The following DOCK2 variants were observed in gnomAD, a reference collection of about 807,000 sequenced individuals.
DOCK2 encodes the protein dedicator of cytokinesis 2.
In DOCK2, 87 loss-of-function variants were observed where a neutral mutation model predicts 248.9. The observed-to-expected ratio is 0.35, with a 90% CI of 0.29 to 0.42. DOCK2 has a LOEUF of 0.42. Ranked by LOEUF, DOCK2 falls within the 10% of genes least tolerant of loss-of-function variation. The probability of loss-of-function intolerance (pLI) is 1.00; values close to 1 mark genes in which losing one functional copy is unlikely to be tolerated. For missense variants in DOCK2, 1,747 were observed against 2,300.2 expected (o/e 0.76, Z 4.92); for synonymous variants, 805 against 821.6 (o/e 0.98, Z 0.35).
intron 27 of DOCK2, among the ~76,000 whole-genome samples, chr5:169,854,622 G>T (rs781008536): frequency 6.6e-6 from 1 of 152,230 alleles, no homozygotes; most frequent in African/African-American, 2.4e-5. Context: ...AAAGTCAGGG[G>T]CAGAAGTCAG....
chr5:170,018,331 G>C (rs1472679913), intron 32 of DOCK2, among the ~76,000 whole-genome samples: 2 of 152,110 alleles, frequency 1.3e-5, no homozygotes, highest in Non-Finnish European at 2.9e-5. Flanking sequence ...TGCTGTGGGG[G>C]AAGCAAGGTG....
At chr5:170,049,598 G>T (rs549003798) in intron 40 of DOCK2, among the ~76,000 whole-genome samples, 27 of 152,266 alleles carry the variant, frequency 1.8e-4, no homozygotes, top group African/African-American at 6.5e-4. Flanking sequence ...TTGATATTTT[G>T]GGCCTGAAAA....
intron 29 of DOCK2, among the ~76,000 whole-genome samples, 184 bp downstream of exon 29, chr5:169,986,106 C>T (rs1266184695): frequency 6.6e-6 from 1 of 152,204 alleles, no homozygotes; most frequent in Non-Finnish European, 1.5e-5. Context: ...CTCAAAAAAT[C>T]GTCTCCAACT....
At chr5:170,067,756 C>A in intron 45 of DOCK2, 70 bp downstream of exon 45, 1 of 1,529,770 alleles carries the variant, frequency 6.5e-7, no homozygotes, top group Non-Finnish European at 8.9e-7. Flanking sequence ...ACCCAGGGGG[C>A]AGATGCAGGT....
intron 2 of DOCK2, among the ~76,000 whole-genome samples, chr5:169,656,177 A>G (rs902010838): frequency 6.6e-6 from 1 of 152,322 alleles, no homozygotes; most frequent in Non-Finnish European, 1.5e-5. Flanking sequence ...CAAAGAATGA[A>G]AATAAAAACA....
intron 1 of DOCK2, among the ~76,000 whole-genome samples, chr5:169,643,670 G>GGT (rs1757279297): frequency 6.6e-6 from 1 of 152,114 alleles, no homozygotes. Flanking sequence ...AGTACCGGTC[G>GGT]GTGGCCTGGG....
chr5:169,715,200 T>C (rs1297222733), intron 19 of DOCK2, among the ~76,000 whole-genome samples: 2 of 152,174 alleles, frequency 1.3e-5, no homozygotes, highest in Non-Finnish European at 2.9e-5. Context: ...GCGTCTGAAG[T>C]GCAAATCTAA....
intron 27 of DOCK2, among the ~76,000 whole-genome samples, chr5:169,918,187 A>T (rs913459613): frequency 6.6e-6 from 1 of 152,198 alleles, no homozygotes; most frequent in Non-Finnish European, 1.5e-5. Context: ...TACAGAAACC[A>T]CATATGATCC....
At chr5:169,708,290 A>C (rs768888352) in intron 15 of DOCK2, 23 bp downstream of exon 15, 1 of 1,603,394 alleles carries the variant, frequency 6.2e-7, no homozygotes, top group South Asian at 1.1e-5. Flanking sequence ...AATAGCAGCA[A>C]ACACATGTCT....
chr5:169,855,523 G>A (rs1200959969), intron 27 of DOCK2, among the ~76,000 whole-genome samples: 1 of 152,156 alleles, frequency 6.6e-6, no homozygotes, highest in African/African-American at 2.4e-5. Flanking sequence ...GCTCTAGGAT[G>A]GTAGTGGGAT....
chr5:170,050,146 C>A, intron 40 of DOCK2, 110 bp from the exon 41 acceptor site: 2 of 1,384,804 alleles, frequency 1.4e-6, no homozygotes, highest in Non-Finnish European at 1.0e-6. Flanking sequence ...GAGAGTGATG[C>A]ACTGGACATC....
chr5:169,803,040 G>A lies in DOCK2; in HGVS notation c.2555-18G>A, dbSNP rs1767100419. ...AAAATGAGGAATTCTACACTACTCT[G>A]AACTGTCTTTATTCCAGAATGCCGG... On this transcript the variant is annotated intron_variant, in intron 25 of 51. Coordinates refer to ENST00000520908, the MANE Select transcript of DOCK2 (RefSeq NM_004946.3). 5 of 1,613,930 alleles carry A rather than the reference G, an allele frequency of 3.1e-6. No homozygotes were observed. Among genetic ancestry groups the A allele is most frequent in the Admixed American group, 1.7e-5 (1 of 59,962 alleles).
chr5:170,022,062 C>A (rs753285312), intron 33 of DOCK2, among the ~76,000 whole-genome samples: 1 of 152,218 alleles, frequency 6.6e-6, no homozygotes, highest in Non-Finnish European at 1.5e-5. Flanking sequence ...TGAGCAGGGG[C>A]TTTGCTCCCA....
chr5:169,741,077 G>A (rs376080154), intron 22 of DOCK2, among the ~76,000 whole-genome samples: 17 of 152,174 alleles, frequency 1.1e-4, no homozygotes, highest in African/African-American at 3.4e-4. Flanking sequence ...CTCCCATTTC[G>A]GCCTCCCAAA....
chr5:170,012,939 A>G (rs1287716278), intron 32 of DOCK2, among the ~76,000 whole-genome samples: 1 of 152,060 alleles, frequency 6.6e-6, no homozygotes, highest in African/African-American at 2.4e-5. Context: ...TTTGTCCATT[A>G]CTGTTTAAGC....
At chr5:169,888,617 C>T (rs2113529552) in intron 27 of DOCK2, among the ~76,000 whole-genome samples, 1 of 152,266 alleles carries the variant, frequency 6.6e-6, no homozygotes, top group South Asian at 2.1e-4. Context: ...ATCTTTAGGC[C>T]ATACAGTGAG....
chr5:169,991,147 G>T (rs1453639601), intron 29 of DOCK2, among the ~76,000 whole-genome samples: 1 of 152,264 alleles, frequency 6.6e-6, no homozygotes, highest in Non-Finnish European at 1.5e-5. Context: ...TGGCAGGCTT[G>T]CAGCGCCTGT....
chr5:170,037,479 A>ATTTT (rs537505396), intron 36 of DOCK2, among the ~76,000 whole-genome samples: 1 of 139,208 alleles, frequency 7.2e-6, no homozygotes, highest in Non-Finnish European at 1.5e-5. Flanking sequence ...CACAAAAACA[A>ATTTT]ATTTTTTTTT....
At position 169,761,291 on chromosome 5, in the gene DOCK2, G is replaced by C; in HGVS notation, c.2448-228G>C. On this transcript the variant is annotated intron_variant, in intron 24 of 51. Coordinates refer to ENST00000520908, the MANE Select transcript of DOCK2 (RefSeq NM_004946.3). ...AGTGTGTGCTTGGTACACGGTAACTGCTCAGGGCTATGGGTATTTTCAGAT... is the reference window on the plus strand; with the variant it reads ...AGTGTGTGCTTGGTACACGGTAACTCCTCAGGGCTATGGGTATTTTCAGAT... 14 of 479,018 alleles carry C rather than the reference G, an allele frequency of 2.9e-5. No individual in the cohort carries two copies. In the South Asian group the frequency reaches 4.0e-4, roughly 14 times the overall value. 29.7% of individuals were successfully genotyped at this position (479,018 alleles called of 1,614,324 possible). A position where few individuals can be genotyped will look rare whatever the true frequency, so the allele number is the denominator to read the frequency against.
Sources: gnomAD v4.1 joint callset for allele counts (sites outside exome capture counted in the v4.1 genomes callset) on GRCh38, gnomAD v4.1.1 for gene constraint, MANE v1.5 for transcripts, NCBI Gene and HGNC (gene_info 2026-07-23, HGNC 2026-07-21) for gene names.